Variants in IL22RA1 observed in about 807,000 individuals in gnomAD.
The protein encoded by IL22RA1 is interleukin 22 receptor subunit alpha 1.
In IL22RA1, 25 loss-of-function variants were observed where a neutral mutation model predicts 32.8. That is an observed-to-expected ratio of 0.76 (90% CI 0.55 to 1.06). IL22RA1 has a LOEUF of 1.06. Ranked by LOEUF, IL22RA1 falls within the 50% of genes least tolerant of loss-of-function variation. The pLI is 0.00. For missense variants in IL22RA1, 709 were observed against 727.4 expected, an observed-to-expected ratio of 0.97 and a Z score of 0.29; for synonymous variants, 305 against 305.0, an observed-to-expected ratio of 1.00 and a Z score of 0.00.
intron 1 of IL22RA1, among the ~76,000 whole-genome samples, chr1:24,141,187 G>A (rs922510115): frequency 1.3e-5 from 2 of 152,200 alleles, no homozygotes; most frequent in African/African-American, 2.4e-5. Context: ...GCAAGGTGAC[G>A]GCTGTGCCGT....
Position 24,134,224 on chromosome 1 carries a change from C to A in IL22RA1, c.518G>T (p.Arg173Leu). Reference protein sequence around the residue: ...LFYHLELQVNRTYQMHLGGKQ... With the variant: ...LFYHLELQVNLTYQMHLGGKQ... ...ACATACACTCACCATTTGGTAGGTG[C>A]GGTTGACCTGGAGCTCTAAGTGGTA... Residue 173 changes from arginine to leucine, a missense_variant, in exon 4 of 7, where the codon CGC becomes CTC. Transcript: ENST00000270800. 1.2e-6 allele frequency: 2 copies of A among 1,610,984 alleles called. No individual in the cohort carries two copies. The highest frequency in any genetic ancestry group is 1.7e-6 in the Non-Finnish European group (2 of 1,178,504).
intron 6 of IL22RA1, among the ~76,000 whole-genome samples, chr1:24,122,682 C>T (rs1479940181): frequency 6.6e-6 from 1 of 151,896 alleles, no homozygotes; most frequent in Non-Finnish European, 1.5e-5. Context: ...CCTGTAATCC[C>T]AGCTACTTGG....
Position 24,141,055 on chromosome 1 carries a change from G to A in IL22RA1, c.43+1985C>T, listed in dbSNP as rs549363843. ...CGCTGCACATCCTCTGGCCAACCTC[G>A]AAGGCTGCCCTCCTCTCTGAATTTG... On this transcript the variant is annotated intron_variant, in intron 1 of 6. Transcript: ENST00000270800. Among the ~76,000 whole-genome samples the A allele has an allele frequency of 4.6e-5, 7 of 152,330 alleles. No homozygotes were observed. The South Asian group carries it at 1.0e-3, about 23-fold the overall frequency.
Position 24,121,599 on chromosome 1 carries a change from C to T in IL22RA1, c.931G>A (p.Glu311Lys). 3 of 1,612,906 alleles carry T rather than the reference C, an allele frequency of 1.9e-6. No individual in the cohort carries two copies. The highest frequency in any genetic ancestry group is 2.5e-6 in the Non-Finnish European group (3 of 1,179,204). Residue 311 changes from glutamate (E) to lysine (K), a missense_variant, in exon 7 of 7, where the codon GAG (glutamate) becomes AAG (lysine). Glu to Lys is a moderately conservative substitution (Grantham distance 56). Transcript: ENST00000270800. Reference protein sequence around the residue: ...YSQIRVSGPREPAGAPQRHSL... With the variant: ...YSQIRVSGPRKPAGAPQRHSL... ...TGCCGCTGTGGAGCTCCTGCGGGCT[C>T]CCTGGGTCCAGACACCCTGATCTGG... is the stretch of plus-strand genomic sequence containing the variant.
intron 5 of IL22RA1, 88 bp downstream of exon 5, chr1:24,128,053 A>G (rs1644177026): frequency 7.4e-7 from 1 of 1,342,316 alleles, no homozygotes; most frequent in East Asian, 2.7e-5. Flanking sequence ...GAGTGTTGCC[A>G]AGTCTCACCT....
At chr1:24,133,617 T>G (rs908491846) in intron 4 of IL22RA1, among the ~76,000 whole-genome samples, 7 of 152,208 alleles carry the variant, frequency 4.6e-5, no homozygotes, top group Middle Eastern at 3.2e-3. Context: ...CTGCAAATAT[T>G]GGAAAACTAC....
intron 1 of IL22RA1, 73 bp downstream of exon 1, chr1:24,142,967 T>C: frequency 2.1e-6 from 3 of 1,407,798 alleles, no homozygotes; most frequent in Non-Finnish European, 3.0e-6. Flanking sequence ...CTGGGGAGGG[T>C]GCTGGGGAGA....
chr1:24,126,134 A>G (rs992912581), intron 5 of IL22RA1, among the ~76,000 whole-genome samples: 1 of 152,218 alleles, frequency 6.6e-6, no homozygotes, highest in African/African-American at 2.4e-5. Flanking sequence ...CATGAATCAT[A>G]CAAACACTCC....
chr1:24,140,365 G>A (rs528181458), intron 1 of IL22RA1, among the ~76,000 whole-genome samples: 13 of 152,326 alleles, frequency 8.5e-5, no homozygotes, highest in Middle Eastern at 3.4e-3. Flanking sequence ...TCTGAAGGGA[G>A]GAGACCTGGG....
chr1:24,137,362 G>A (rs1644249605), intron 2 of IL22RA1, 53 bp from the exon 3 acceptor site: 1 of 1,542,510 alleles, frequency 6.5e-7, no homozygotes, highest in African/African-American at 1.4e-5. Context: ...GCCAGCGCTA[G>A]GCCTGTGGCT....
At chr1:24,128,358 C>G (rs755033835) in intron 4 of IL22RA1, 79 bp from the exon 5 acceptor site, 47 of 1,562,886 alleles carry the variant, frequency 3.0e-5, no homozygotes, top group Non-Finnish European at 4.0e-5. Flanking sequence ...TTGCTCGCTC[C>G]TCCTGGATTC....
chr1:24,120,679 T>A lies in IL22RA1; in HGVS notation c.*126A>T. On this transcript the variant is annotated 3_prime_UTR_variant, in exon 7 of 7. Transcript: ENST00000270800. ...GGCCCTGCATGCCACTCCCTCTGCT[T>A]CTCTCAAGGGCACCCGTCTGAGGCC... The A allele has an allele frequency of 2.2e-6, 2 of 901,192 alleles. No homozygotes were observed. Among genetic ancestry groups the A allele is most frequent in the Admixed American group, 5.4e-5 (2 of 37,372 alleles). 55.8% of individuals were successfully genotyped at this position (901,192 alleles called of 1,614,324 possible).
chr1:24,138,463 G>C (rs1277741844), intron 2 of IL22RA1, 119 bp downstream of exon 2: 1 of 1,018,808 alleles, frequency 9.8e-7, no homozygotes, highest in Non-Finnish European at 1.5e-6. Context: ...TTATCTGGGA[G>C]GGGCTATGTG....
At chr1:24,132,473 A>G (rs1304648677) in intron 4 of IL22RA1, among the ~76,000 whole-genome samples, 4 of 151,330 alleles carry the variant, frequency 2.6e-5, no homozygotes, top group Non-Finnish European at 5.9e-5. Context: ...CTGAGACTAC[A>G]GGCGCCCACT....
At chr1:24,129,737 T>C (rs1644192493) in intron 4 of IL22RA1, among the ~76,000 whole-genome samples, 2 of 152,238 alleles carry the variant, frequency 1.3e-5, no homozygotes. Context: ...GGTAATTTAC[T>C]GTTTTCTTTT....
intron 5 of IL22RA1, among the ~76,000 whole-genome samples, chr1:24,123,856 C>A (rs1321643421): frequency 6.6e-6 from 1 of 152,200 alleles, no homozygotes; most frequent in African/African-American, 2.4e-5. Context: ...ATAGATGCCC[C>A]AGCCCTCATG....
intron 4 of IL22RA1, among the ~76,000 whole-genome samples, chr1:24,132,326 T>G (rs1644210897): frequency 6.9e-6 from 1 of 144,946 alleles, no homozygotes; most frequent in Non-Finnish European, 1.5e-5. Context: ...ATGGTTTTTG[T>G]GTGTGTGTTT....
intron 5 of IL22RA1, among the ~76,000 whole-genome samples, chr1:24,125,147 A>G (rs562739577): frequency 6.6e-6 from 1 of 152,296 alleles, no homozygotes; most frequent in Admixed American, 6.5e-5. Context: ...ACTACAGGCC[A>G]TGATCTGTAT....
At chr1:24,142,990 T>G (rs752632096) in intron 1 of IL22RA1, 50 bp downstream of exon 1, 1 of 1,563,890 alleles carries the variant, frequency 6.4e-7, no homozygotes, top group Admixed American at 1.7e-5. Context: ...ACCCTGATCG[T>G]TGGCCCCTGG....
Sources: allele counts gnomAD v4.1 joint callset (sites outside exome capture counted in the v4.1 genomes callset), GRCh38; gene constraint gnomAD v4.1.1; transcripts MANE v1.5; gene names NCBI Gene and HGNC (gene_info 2026-07-23, HGNC 2026-07-21).